The following MAPK10 variants were observed in gnomAD, a reference collection of about 807,000 sequenced individuals.
MAPK10 encodes mitogen-activated protein kinase 10, also known as JNK3 alpha protein kinase.
A neutral mutation model predicts 59.3 loss-of-function variants in MAPK10; 25 were observed. The ratio of observed to expected loss-of-function variants is 0.42; its 90% CI spans 0.31 to 0.59. The LOEUF is 0.59. Among genes scored for constraint, MAPK10 ranks in the 20% least tolerant of loss-of-function variants. The pLI is 0.15. For missense variants in MAPK10, 351 were observed against 568.9 expected, an observed-to-expected ratio of 0.62 and a Z score of 3.90; for synonymous variants, 190 against 200.5, an observed-to-expected ratio of 0.95 and a Z score of 0.44.
rs1048040370 is a variant in MAPK10 at position 86,244,391 on chromosome 4, T to G, written c.-6-49984A>C. 5.9e-5 allele frequency among the ~76,000 whole-genome samples: 9 copies of G among 152,214 alleles called. No homozygotes were observed. In the East Asian group the frequency reaches 1.7e-3, roughly 29 times the overall value. On this transcript the variant is annotated intron_variant, in intron 2 of 13. Coordinates refer to ENST00000641462, the MANE Select transcript of MAPK10 (RefSeq NM_138982.4). ...CAAAATTTATGCAACAGTAAAGATA[T>G]GAAAGGTAAAGTTTCTTGCATTTGA...
At chr4:86,137,712 C>CA (rs2062563717) in intron 4 of MAPK10, among the ~76,000 whole-genome samples, 1 of 127,246 alleles carries the variant, frequency 7.9e-6, no homozygotes, top group Non-Finnish European at 1.6e-5. Context: ...AATAGAGACA[C>CA]AAAAAACCCT....
chr4:86,350,935 C>T (rs1295170395), intron 2 of MAPK10, among the ~76,000 whole-genome samples: 1 of 152,130 alleles, frequency 6.6e-6, no homozygotes, highest in African/African-American at 2.4e-5. Context: ...ATTGTGTCAT[C>T]ACTCGTTAAT....
At chr4:86,044,683 C>T (rs573571109) in intron 11 of MAPK10, 1 of 397,270 alleles carries the variant, frequency 2.5e-6, no homozygotes, top group South Asian at 1.3e-4. Context: ...ATTTGTGTCT[C>T]ATAATCAAAT....
intron 1 of MAPK10, among the ~76,000 whole-genome samples, chr4:86,445,586 T>G (rs1044624998): frequency 1.3e-5 from 2 of 151,830 alleles, no homozygotes; most frequent in Non-Finnish European, 2.9e-5. Flanking sequence ...AAATAAAAAT[T>G]TAAATTTACA....
At chr4:86,329,142 T>C (rs1256144135) in intron 2 of MAPK10, among the ~76,000 whole-genome samples, 1 of 152,336 alleles carries the variant, frequency 6.6e-6, no homozygotes, top group Non-Finnish European at 1.5e-5. Context: ...TTCTTGGACC[T>C]CTCCACCTCC....
chr4:86,048,539 C>T (rs1199202996), intron 11 of MAPK10, among the ~76,000 whole-genome samples: 1 of 152,080 alleles, frequency 6.6e-6, no homozygotes, highest in Admixed American at 6.6e-5. Flanking sequence ...ATGTCATTTG[C>T]ACTTTTGCCC....
chr4:86,408,225 T>G (rs13134099), intron 1 of MAPK10, among the ~76,000 whole-genome samples: 3,726 of 152,284 alleles, frequency 0.024, 71 homozygotes, highest in Non-Finnish European at 0.038. Context: ...GCAAAGGACA[T>G]GAACTCATCA....
intron 1 of MAPK10, among the ~76,000 whole-genome samples, chr4:86,489,628 A>G (rs1425479297): frequency 6.6e-6 from 1 of 152,202 alleles, no homozygotes; most frequent in Non-Finnish European, 1.5e-5. Flanking sequence ...CTAAAGTAGT[A>G]TTTTGAGAAT....
chr4:86,224,103 T>C (rs1319271100), intron 2 of MAPK10, among the ~76,000 whole-genome samples: 1 of 142,632 alleles, frequency 7.0e-6, no homozygotes, highest in East Asian at 1.9e-4. Context: ...ATTGGAACCC[T>C]ACCTCAGTTC....
intron 11 of MAPK10, among the ~76,000 whole-genome samples, chr4:86,045,000 T>A (rs1244337454): frequency 6.6e-6 from 1 of 152,134 alleles, no homozygotes; most frequent in African/African-American, 2.4e-5. Context: ...TAATGTTGCT[T>A]AGAGACATCA....
chr4:86,344,436 C>G (rs550155683), intron 2 of MAPK10, among the ~76,000 whole-genome samples: 10 of 152,192 alleles, frequency 6.6e-5, no homozygotes, highest in African/African-American at 2.2e-4. Flanking sequence ...ATCAAAGAAA[C>G]TATCCTACTG....
At position 86,012,399 on chromosome 4, in the gene MAPK10, C is replaced by T. The variant is rs558812556; in HGVS notation, c.*4829G>A. 1.3e-5 allele frequency: 2 copies of T among 152,290 alleles called. No individual in the cohort carries two copies. The highest frequency in any genetic ancestry group is 2.4e-5 in the African/African-American group (1 of 41,560). The allele number at this position is 152,290 out of a possible 1,614,324, so 9.4% of individuals were successfully genotyped here. A position where few individuals can be genotyped will look rare whatever the true frequency, so the allele number is the denominator to read the frequency against. On this transcript the variant is annotated 3_prime_UTR_variant, in exon 14 of 14. Transcript: ENST00000641462. Reference sequence around the variant, plus strand: ...TCATGACACCCTTCAGAGCTACTGTCGTTACATGCAACTCAAGACAACGAG... The same window carrying T: ...TCATGACACCCTTCAGAGCTACTGTTGTTACATGCAACTCAAGACAACGAG...
chr4:86,258,960 G>A (rs930132925), intron 2 of MAPK10, among the ~76,000 whole-genome samples: 16 of 151,740 alleles, frequency 1.1e-4, no homozygotes, highest in Non-Finnish European at 1.3e-4. Flanking sequence ...GTCTCATTTC[G>A]GTAGCATATA....
intron 2 of MAPK10, among the ~76,000 whole-genome samples, chr4:86,295,187 A>G (rs931459139): frequency 2.0e-5 from 3 of 152,168 alleles, no homozygotes; most frequent in African/African-American, 2.4e-5. Context: ...CCATGTTATG[A>G]AGGAACAAAA....
At chr4:86,109,176 TGGAA>T (rs1553995538) in intron 4 of MAPK10, among the ~76,000 whole-genome samples, 2 of 152,224 alleles carry the variant, frequency 1.3e-5, no homozygotes, top group Non-Finnish European at 2.9e-5. Context: ...AAGTCTGTCC[TGGAA>T]CTCTTTAATA....
At chr4:86,342,060 A>G (rs1219602477) in intron 2 of MAPK10, among the ~76,000 whole-genome samples, 1 of 152,216 alleles carries the variant, frequency 6.6e-6, no homozygotes, top group Non-Finnish European at 1.5e-5. Flanking sequence ...CTATACAGCC[A>G]TGGGTTAAAC....
intron 1 of MAPK10, among the ~76,000 whole-genome samples, chr4:86,516,214 G>A (rs985475834): frequency 2.6e-5 from 4 of 152,102 alleles, no homozygotes; most frequent in Non-Finnish European, 5.9e-5. Flanking sequence ...TTATTTCTGG[G>A]TTCTCTATTC....
intron 9 of MAPK10, among the ~76,000 whole-genome samples, chr4:86,084,361 G>A (rs1307637416): frequency 1.3e-5 from 2 of 152,150 alleles, no homozygotes; most frequent in Non-Finnish European, 2.9e-5. Context: ...CAAAAGCAAA[G>A]ACTCCATCAA....
At chr4:86,100,944 C>T (rs570539256) in intron 8 of MAPK10, 108 bp downstream of exon 8, 1 of 912,338 alleles carries the variant, frequency 1.1e-6, no homozygotes, top group South Asian at 2.1e-5. Flanking sequence ...ATCTGGCAGC[C>T]CTACTTTATA....
Sources: gnomAD v4.1 joint callset for allele counts (sites outside exome capture counted in the v4.1 genomes callset) on GRCh38, gnomAD v4.1.1 for gene constraint, MANE v1.5 for transcripts, NCBI Gene and HGNC (gene_info 2026-07-23, HGNC 2026-07-21) for gene names.